The following RAPGEF5 variants were observed in gnomAD, a reference collection of about 807,000 sequenced individuals.
RAPGEF5 encodes M-Ras-regulated GEF.
RAPGEF5 carries 65 observed loss-of-function variants against 125.2 expected under a neutral mutation model. That is an observed-to-expected ratio of 0.52 (90% CI 0.43 to 0.64). The LOEUF (loss-of-function observed/expected upper bound fraction) is 0.64, where lower values mean the gene tolerates loss of function less well. Among genes scored for constraint, RAPGEF5 ranks in the 30% least tolerant of loss-of-function variants. The pLI is 0.00. For missense variants in RAPGEF5, 958 were observed against 1,048.1 expected, an observed-to-expected ratio of 0.91 and a Z score of 1.19; for synonymous variants, 391 against 385.9, an observed-to-expected ratio of 1.01 and a Z score of -0.16.
At chr7:22,341,147 G>A (rs928322331) in intron 1 of RAPGEF5, among the ~76,000 whole-genome samples, 1 of 152,206 alleles carries the variant, frequency 6.6e-6, no homozygotes, top group South Asian at 2.1e-4. Context: ...TAATGGACTT[G>A]TTCCATGTGG....
intron 9 of RAPGEF5, among the ~76,000 whole-genome samples, chr7:22,196,592 T>C (rs1188738821): frequency 6.6e-6 from 1 of 152,106 alleles, no homozygotes; most frequent in African/African-American, 2.4e-5. Flanking sequence ...CATGACAACA[T>C]AAGTATAACT....
chr7:22,131,164 G>A (rs1219657254), intron 23 of RAPGEF5, 63 bp from the exon 24 acceptor site: 12 of 1,473,944 alleles, frequency 8.1e-6, no homozygotes, highest in East Asian at 7.6e-5. Flanking sequence ...CAGGGCTGAA[G>A]AGGTCTAGGT....
At chr7:22,220,527 G>A (rs915281274) in intron 8 of RAPGEF5, among the ~76,000 whole-genome samples, 3 of 152,076 alleles carry the variant, frequency 2.0e-5, no homozygotes, top group Non-Finnish European at 4.4e-5. Context: ...TGGGGCATTA[G>A]TAAAATACCA....
At chr7:22,224,788 C>T (rs1222901470) in intron 8 of RAPGEF5, among the ~76,000 whole-genome samples, 3 of 151,868 alleles carry the variant, frequency 2.0e-5, no homozygotes, top group Admixed American at 2.0e-4. Flanking sequence ...GATTTGGAGA[C>T]AGTCTGTCCT....
intron 7 of RAPGEF5, among the ~76,000 whole-genome samples, chr7:22,244,189 T>C (rs1786411562): frequency 6.6e-6 from 1 of 152,184 alleles, no homozygotes; most frequent in Non-Finnish European, 1.5e-5. Flanking sequence ...TATATACACA[T>C]ATACGTGTGT....
chr7:22,291,050 C>T, intron 6 of RAPGEF5, 125 bp downstream of exon 6: 1 of 1,106,446 alleles, frequency 9.0e-7, no homozygotes, highest in Non-Finnish European at 1.2e-6. Flanking sequence ...TTGCCTCATA[C>T]CTCCCACAAT....
At chr7:22,291,026 T>C in intron 6 of RAPGEF5, 149 bp downstream of exon 6, 3 of 811,978 alleles carry the variant, frequency 3.7e-6, no homozygotes, top group Non-Finnish European at 5.4e-6. Context: ...TCAAAGCCAC[T>C]GTCTCCCTCT....
intron 6 of RAPGEF5, among the ~76,000 whole-genome samples, chr7:22,268,551 G>A (rs1782340537): frequency 6.6e-6 from 1 of 152,204 alleles, no homozygotes. Flanking sequence ...CATTCACAGT[G>A]TCACAAATAT....
chr7:22,220,229 A>G lies in RAPGEF5; in HGVS notation c.871-238T>C, dbSNP rs75808005. 3,685 of 423,974 alleles carry G rather than the reference A, an allele frequency of 8.7e-3. 111 individuals carry two copies. Among genetic ancestry groups the G allele is most frequent in the African/African-American group, 0.066 (3,358 of 50,584 alleles). The allele number at this position is 423,974 out of a possible 1,614,324, so 26.3% of individuals were successfully genotyped here. A position where few individuals can be genotyped will look rare whatever the true frequency, so the allele number is the denominator to read the frequency against. On this transcript the variant is annotated intron_variant, in intron 8 of 25. Coordinates refer to ENST00000665637, the MANE Select transcript of RAPGEF5 (RefSeq NM_012294.5). Reference sequence around the variant, plus strand: ...ACCCTACTTTAAGAGGGTGAAGGACAGAGCAAACTAAATCATTTGCTACTA... The same window carrying G: ...ACCCTACTTTAAGAGGGTGAAGGACGGAGCAAACTAAATCATTTGCTACTA...
chr7:22,224,535 C>T (rs1475938910), intron 8 of RAPGEF5, among the ~76,000 whole-genome samples: 1 of 152,070 alleles, frequency 6.6e-6, no homozygotes, highest in South Asian at 2.1e-4. Flanking sequence ...CTCCAAAATG[C>T]CAACCTGGAA....
At chr7:22,135,996 G>A (rs1783067243) in intron 23 of RAPGEF5, 42 bp downstream of exon 23, 1 of 1,482,940 alleles carries the variant, frequency 6.7e-7, no homozygotes, top group African/African-American at 1.4e-5. Flanking sequence ...ATAAATTTCT[G>A]AAATATGAAA....
At chr7:22,298,239 G>A (rs972998007) in intron 5 of RAPGEF5, among the ~76,000 whole-genome samples, 4 of 150,040 alleles carry the variant, frequency 2.7e-5, no homozygotes, top group East Asian at 1.9e-4. Context: ...GTGCAATGGC[G>A]TGATCTTGGC....
At chr7:22,223,002 A>G (rs562411296) in intron 8 of RAPGEF5, among the ~76,000 whole-genome samples, 3 of 152,230 alleles carry the variant, frequency 2.0e-5, no homozygotes, top group Non-Finnish European at 4.4e-5. Flanking sequence ...TGATCTGGGA[A>G]GGAAAATGGC....
chr7:22,254,363 C>A (rs1290499376), intron 7 of RAPGEF5, among the ~76,000 whole-genome samples: 2 of 151,322 alleles, frequency 1.3e-5, no homozygotes, highest in Non-Finnish European at 2.9e-5. Flanking sequence ...AATCCCAGCG[C>A]TTTGGGAGGA....
intron 2 of RAPGEF5, among the ~76,000 whole-genome samples, chr7:22,316,670 G>GT (rs961311314): frequency 9.0e-4 from 133 of 147,002 alleles, no homozygotes; most frequent in African/African-American, 2.8e-3. Context: ...TTTGTTTTTT[G>GT]TTTTTTTTTG....
chr7:22,317,407 AT>A (rs1483945825), intron 2 of RAPGEF5, among the ~76,000 whole-genome samples: 2 of 151,834 alleles, frequency 1.3e-5, no homozygotes, highest in East Asian at 3.9e-4. Flanking sequence ...CGCCCGGCTA[AT>A]TTTTTGTATT....
chr7:22,238,654 G>C (rs1786250587), intron 7 of RAPGEF5, among the ~76,000 whole-genome samples: 1 of 152,166 alleles, frequency 6.6e-6, no homozygotes, highest in African/African-American at 2.4e-5. Context: ...CAACTTCCTT[G>C]GCCAAAGCAG....
chr7:22,251,280 C>T (rs1786611924), intron 7 of RAPGEF5, among the ~76,000 whole-genome samples: 2 of 152,158 alleles, frequency 1.3e-5, no homozygotes, highest in South Asian at 4.1e-4. Flanking sequence ...ATGCCACCCC[C>T]CCAGCAACCA....
intron 1 of RAPGEF5, among the ~76,000 whole-genome samples, chr7:22,329,897 G>A (rs1246576480): frequency 2.6e-5 from 4 of 152,090 alleles, no homozygotes; most frequent in Non-Finnish European, 5.9e-5. Context: ...TGCTCCCGCC[G>A]CTCCCACACA....
Sources: gnomAD v4.1 joint callset for allele counts (sites outside exome capture counted in the v4.1 genomes callset) on GRCh38, gnomAD v4.1.1 for gene constraint, MANE v1.5 for transcripts, NCBI Gene and HGNC (gene_info 2026-07-23, HGNC 2026-07-21) for gene names.